The following CACNA1D variants were observed in gnomAD, a reference collection of about 807,000 sequenced individuals.
CACNA1D encodes the protein calcium voltage-gated channel subunit alpha1 D.
A neutral mutation model predicts 257.1 loss-of-function variants in CACNA1D; 55 were observed. The observed-to-expected ratio is 0.21, with a 90% CI of 0.17 to 0.27. The LOEUF is 0.27. Among genes scored for constraint, CACNA1D ranks in the 10% least tolerant of loss-of-function variants. The pLI is 1.00. For missense variants in CACNA1D, 1,876 were observed against 2,784.0 expected (o/e 0.67, Z 7.34); for synonymous variants, 980 against 1,014.9 (o/e 0.97, Z 0.65).
chr3:53,504,139 G>A (rs560989551), intron 3 of CACNA1D, among the ~76,000 whole-genome samples: 2 of 151,876 alleles, frequency 1.3e-5, no homozygotes, highest in Admixed American at 1.3e-4. Context: ...GCAGCTGAAC[G>A]AAACTTATTT....
At chr3:53,534,406 C>T (rs889371978) in intron 3 of CACNA1D, among the ~76,000 whole-genome samples, 2 of 152,230 alleles carry the variant, frequency 1.3e-5, no homozygotes, top group South Asian at 4.1e-4. Flanking sequence ...CATTCTGTCC[C>T]TCCCACTTCT....
intron 14 of CACNA1D, among the ~76,000 whole-genome samples, chr3:53,724,814 T>TCC (rs2108729409): frequency 6.6e-6 from 1 of 152,272 alleles, no homozygotes; most frequent in African/African-American, 2.4e-5. Context: ...TGTGGATGAG[T>TCC]CACTTACCCA....
At chr3:53,809,122 A>C (rs58686724) in intron 46 of CACNA1D, 5,653 of 295,526 alleles carry the variant, frequency 0.019, 107 homozygotes, top group African/African-American at 0.065. Context: ...GATTCTGAAC[A>C]AGCGGTGCAG....
Position 53,761,979 on chromosome 3 carries a change from C to T in CACNA1D, c.3787-19C>T. The stretch of plus-strand genomic sequence containing the variant: ...TTCATACATGCTCATAAACATCTGC[C>T]CTCGCCTGCTCTGTCCAGGGGTATT... On this transcript the variant is annotated intron_variant, in intron 29 of 47. Coordinates refer to ENST00000350061, the MANE Select transcript of CACNA1D (RefSeq NM_001128840.3). 1.9e-6 allele frequency: 3 copies of T among 1,570,922 alleles called. No homozygotes were observed. The highest frequency in any genetic ancestry group is 2.6e-6 in the Non-Finnish European group (3 of 1,140,612).
At chr3:53,718,627 A>C (rs2094847178) in intron 10 of CACNA1D, 21 of 1,147,212 alleles carry the variant, frequency 1.8e-5, no homozygotes, top group Non-Finnish European at 2.4e-5. Flanking sequence ...TCTTCCTGTA[A>C]GTAGAGCCCG....
chr3:53,668,281 C>T (rs1039402626), intron 7 of CACNA1D, among the ~76,000 whole-genome samples: 8 of 152,218 alleles, frequency 5.3e-5, no homozygotes, highest in South Asian at 4.1e-4. Flanking sequence ...TCCTTCACAT[C>T]GATTCTCAGA....
At chr3:53,587,819 A>T (rs1344704188) in intron 3 of CACNA1D, among the ~76,000 whole-genome samples, 3 of 152,196 alleles carry the variant, frequency 2.0e-5, no homozygotes, top group African/African-American at 7.2e-5. Flanking sequence ...ATGTAAAAGG[A>T]GAATCTGGTA....
chr3:53,602,876 A>G (rs2093462188), intron 3 of CACNA1D, among the ~76,000 whole-genome samples: 1 of 152,136 alleles, frequency 6.6e-6, no homozygotes, highest in Non-Finnish European at 1.5e-5. Context: ...TACTTTGCAA[A>G]TGTTTTCTCC....
intron 3 of CACNA1D, among the ~76,000 whole-genome samples, chr3:53,568,250 T>C (rs902369536): frequency 3.3e-5 from 5 of 152,198 alleles, no homozygotes; most frequent in African/African-American, 9.7e-5. Context: ...GTCATTCAGC[T>C]ACGATGACTG....
chr3:53,508,484 C>G (rs549756695), intron 3 of CACNA1D, among the ~76,000 whole-genome samples: 1 of 152,266 alleles, frequency 6.6e-6, no homozygotes, highest in African/African-American at 2.4e-5. Flanking sequence ...CCCCACCACC[C>G]CGCAACTCAA....
rs1487806432 is a variant in CACNA1D, at chr3:53,751,808, C to A, written c.3576C>A (p.Asn1192Lys). The change falls in exon 28 of 48, where the codon AAC becomes AAA. Residue 1192 changes from asparagine (N) to lysine (K), a missense_variant. Transcript: ENST00000350061. This position sits in a 1 kb window ranked among gnomAD's most constrained non-coding sequence, Gnocchi z 4.3. ...CCTTGCGGAGATACATCCCCAAAAACCCCTACCAGTACAAGTTCTGGTACG... is the reference window on the plus strand; with the variant it reads ...CCTTGCGGAGATACATCCCCAAAAAACCCTACCAGTACAAGTTCTGGTACG... ...ARPLRRYIPK[N>K]PYQYKFWYVV... is the part of the protein sequence containing the mutation. 2 of 1,614,018 alleles carry A rather than the reference C, an allele frequency of 1.2e-6. No homozygotes were observed. The highest frequency in any genetic ancestry group is 4.5e-5 in the East Asian group (2 of 44,884).
At chr3:53,752,450 A>T (rs963548368) in intron 28 of CACNA1D, among the ~76,000 whole-genome samples, 13 of 152,210 alleles carry the variant, frequency 8.5e-5, no homozygotes, top group African/African-American at 3.1e-4. Context: ...CCCAGGCTGG[A>T]GTGCAGTAGC....
chr3:53,758,685 C>T (rs2095281864), intron 29 of CACNA1D, among the ~76,000 whole-genome samples: 1 of 152,188 alleles, frequency 6.6e-6, no homozygotes, highest in South Asian at 2.1e-4. Flanking sequence ...TTGCATGTGG[C>T]TGACTTGTTT....
intron 3 of CACNA1D, among the ~76,000 whole-genome samples, chr3:53,513,971 G>A (rs2091224109): frequency 6.6e-6 from 1 of 152,178 alleles, no homozygotes; most frequent in Non-Finnish European, 1.5e-5. Flanking sequence ...GTCTGTGTAA[G>A]TACACTCCGT....
intron 3 of CACNA1D, among the ~76,000 whole-genome samples, chr3:53,608,176 A>G (rs2093537247): frequency 1.3e-5 from 2 of 152,266 alleles, no homozygotes; most frequent in Admixed American, 6.5e-5. Flanking sequence ...ATTTTTTTCA[A>G]TAATGTTTTG....
At chr3:53,547,969 A>G (rs1397080671) in intron 3 of CACNA1D, among the ~76,000 whole-genome samples, 4 of 152,210 alleles carry the variant, frequency 2.6e-5, no homozygotes, top group Non-Finnish European at 5.9e-5. Flanking sequence ...CAATGGGGAC[A>G]GCTCCAGAAG....
intron 5 of CACNA1D, among the ~76,000 whole-genome samples, chr3:53,662,786 A>G (rs113685194): frequency 0.021 from 3,242 of 152,330 alleles, 50 homozygotes; most frequent in Non-Finnish European, 0.032. Context: ...TTATCATCTC[A>G]TAAATGTGAC....
chr3:53,687,964 A>C (rs932022010), intron 8 of CACNA1D, among the ~76,000 whole-genome samples: 2 of 152,394 alleles, frequency 1.3e-5, no homozygotes, highest in East Asian at 3.9e-4. Context: ...AGCAACTGAT[A>C]TGCTCATACA....
chr3:53,594,794 A>T (rs113118571), intron 3 of CACNA1D, among the ~76,000 whole-genome samples: 1 of 152,236 alleles, frequency 6.6e-6, no homozygotes, highest in Non-Finnish European at 1.5e-5. Flanking sequence ...CCTTGTGTGT[A>T]TGTGGCAGCC....
Sources: allele counts gnomAD v4.1 joint callset (sites outside exome capture counted in the v4.1 genomes callset), GRCh38; gene constraint gnomAD v4.1.1; non-coding constraint Gnocchi (gnomAD v3.1); transcripts MANE v1.5; gene names NCBI Gene and HGNC (gene_info 2026-07-23, HGNC 2026-07-21).